The following AFAP1L1 variants were observed in gnomAD, a reference collection of about 807,000 sequenced individuals.
The protein encoded by AFAP1L1 is actin filament-associated protein 1-like 1.
A neutral mutation model predicts 99.8 loss-of-function variants in AFAP1L1; 77 were observed. The ratio of observed to expected loss-of-function variants is 0.77; its 90% CI spans 0.64 to 0.93. AFAP1L1 has a LOEUF of 0.93. Ranked by LOEUF, AFAP1L1 falls within the 40% of genes least tolerant of loss-of-function variation. The pLI is 0.00. For missense variants in AFAP1L1, 893 were observed against 996.8 expected, an observed-to-expected ratio of 0.90 and a Z score of 1.40; for synonymous variants, 373 against 395.3, an observed-to-expected ratio of 0.94 and a Z score of 0.67.
Position 149,301,050 on chromosome 5 carries a change from C to T in AFAP1L1, c.230-83C>T, listed in dbSNP as rs891929441. 49 of 1,282,814 alleles carry T rather than the reference C, an allele frequency of 3.8e-5. No individual in the cohort carries two copies. In the Admixed American group the frequency reaches 8.2e-4, roughly 21 times the overall value. The allele number at this position is 1,282,814 out of a possible 1,614,324, so 79.5% of individuals were successfully genotyped here. On this transcript the variant is annotated intron_variant, in intron 3 of 18. Transcript: ENST00000296721. ...GGAGCCCGACCTCACACTCAGGCCT[C>T]CTGACCCCAAATCCAGCCCTCTTCC...
chr5:149,296,789 T>C (rs1469816626), intron 1 of AFAP1L1, among the ~76,000 whole-genome samples: 2 of 152,146 alleles, frequency 1.3e-5, no homozygotes, highest in African/African-American at 2.4e-5. Flanking sequence ...TGAGACTGGG[T>C]AATTTATAAA....
intron 16 of AFAP1L1, among the ~76,000 whole-genome samples, chr5:149,330,199 A>G (rs1344006683): frequency 1.3e-5 from 2 of 152,194 alleles, no homozygotes; most frequent in Non-Finnish European, 2.9e-5. Flanking sequence ...ATTCACAGAT[A>G]TATGTGAGAC....
chr5:149,302,637 A>C, intron 5 of AFAP1L1, 111 bp downstream of exon 5: 2 of 893,696 alleles, frequency 2.2e-6, no homozygotes, highest in Non-Finnish European at 3.3e-6. Flanking sequence ...CACCCTCCCA[A>C]CCATGTCACC....
At chr5:149,339,872 G>C (rs572188754) in intron 18 of AFAP1L1, 135 bp from the exon 19 acceptor site, 1 of 733,528 alleles carries the variant, frequency 1.4e-6, no homozygotes, top group African/African-American at 1.8e-5. Flanking sequence ...GCCACAGAAA[G>C]AGAGAGAGGG....
chr5:149,333,742 T>G (rs1252111613), intron 17 of AFAP1L1, among the ~76,000 whole-genome samples: 1 of 152,240 alleles, frequency 6.6e-6, no homozygotes, highest in Admixed American at 6.5e-5. Flanking sequence ...ATCTCTAGCT[T>G]GTACTCACTG....
chr5:149,308,021 C>T (rs1756488294), intron 7 of AFAP1L1, among the ~76,000 whole-genome samples: 3 of 151,688 alleles, frequency 2.0e-5, no homozygotes, highest in Non-Finnish European at 1.5e-5. Flanking sequence ...GCCAGGTGTG[C>T]GCCTGTAGTC....
intron 15 of AFAP1L1, 132 bp downstream of exon 15, chr5:149,322,849 C>T (rs1020096557): frequency 2.0e-5 from 14 of 699,300 alleles, no homozygotes; most frequent in Admixed American, 1.5e-4. Context: ...AATACTCTAC[C>T]GTAAGAAAAA....
chr5:149,325,108 G>T (rs1020656223), intron 15 of AFAP1L1, among the ~76,000 whole-genome samples: 1 of 152,204 alleles, frequency 6.6e-6, no homozygotes, highest in African/African-American at 2.4e-5. Flanking sequence ...CAAAACAGCA[G>T]TAGCTGGTGA....
chr5:149,313,798 C>G (rs1581325448), intron 9 of AFAP1L1, among the ~76,000 whole-genome samples: 1 of 152,222 alleles, frequency 6.6e-6, no homozygotes, highest in African/African-American at 2.4e-5. Flanking sequence ...TCTGCCTCAG[C>G]ACCCCAGGAA....
chr5:149,335,504 T>TA (rs1368764350), intron 17 of AFAP1L1, 90 bp from the exon 18 acceptor site: 16 of 1,436,896 alleles, frequency 1.1e-5, no homozygotes, highest in African/African-American at 5.8e-5. Context: ...ATAAAAATAA[T>TA]AAAGTGTCCT....
intron 6 of AFAP1L1, 99 bp from the exon 7 acceptor site, chr5:149,307,303 T>C: frequency 2.3e-6 from 3 of 1,309,154 alleles, no homozygotes; most frequent in Non-Finnish European, 3.3e-6. Flanking sequence ...GCCCATGCCT[T>C]CCTAGCCTCA....
intron 18 of AFAP1L1, among the ~76,000 whole-genome samples, chr5:149,339,337 A>G (rs1184828810): frequency 6.6e-6 from 1 of 151,972 alleles, no homozygotes; most frequent in East Asian, 1.9e-4. Flanking sequence ...TTACAGGTGC[A>G]CAACACCACA....
intron 9 of AFAP1L1, among the ~76,000 whole-genome samples, chr5:149,313,710 A>G (rs1054523258): frequency 6.6e-6 from 1 of 152,236 alleles, no homozygotes; most frequent in Non-Finnish European, 1.5e-5. Flanking sequence ...ACATGAATCA[A>G]ATAGTCACAC....
intron 1 of AFAP1L1, among the ~76,000 whole-genome samples, chr5:149,290,188 G>C (rs1387213748): frequency 1.3e-5 from 2 of 152,198 alleles, no homozygotes; most frequent in Non-Finnish European, 2.9e-5. Flanking sequence ...AGCTGAAATG[G>C]TGCCACTGCA....
In AFAP1L1 at chr5:149,318,360, T is replaced by C. The variant is rs577411402; in HGVS notation, c.1479+420T>C. On this transcript the variant is annotated intron_variant, in intron 12 of 18. Coordinates refer to ENST00000296721, the MANE Select transcript of AFAP1L1 (RefSeq NM_152406.4). ...AGCCTGAAAGGCATTTAGTCTGGTC[T>C]AACCATTCAGATTCTGGAATCCCCT... 3.5e-4 allele frequency among the ~76,000 whole-genome samples: 53 copies of C among 152,364 alleles called. 2 individuals are homozygous for C. The South Asian group carries it at 0.011, about 32-fold the overall frequency.
At chr5:149,301,068 C>A in intron 3 of AFAP1L1, 65 bp from the exon 4 acceptor site, 1 of 1,468,114 alleles carries the variant, frequency 6.8e-7, no homozygotes, top group South Asian at 1.2e-5. Context: ...CAAATCCAGC[C>A]CTCTTCCCCT....
chr5:149,289,327 C>G (rs1202065483), intron 1 of AFAP1L1, among the ~76,000 whole-genome samples: 1 of 152,204 alleles, frequency 6.6e-6, no homozygotes, highest in Non-Finnish European at 1.5e-5. Context: ...CAGTTTCCTG[C>G]AATCGCTGTA....
intron 17 of AFAP1L1, among the ~76,000 whole-genome samples, chr5:149,333,433 A>G (rs1757313798): frequency 6.6e-6 from 1 of 152,206 alleles, no homozygotes; most frequent in South Asian, 2.1e-4. Context: ...TCTACAAAAA[A>G]TACAGCGGTC....
chr5:149,312,075 C>A, intron 8 of AFAP1L1, 37 bp from the exon 9 acceptor site: 1 of 1,591,084 alleles, frequency 6.3e-7, no homozygotes, highest in South Asian at 1.1e-5. Context: ...AACAGCTTCC[C>A]TGCCCACCCG....
Sources: allele counts gnomAD v4.1 joint callset (sites outside exome capture counted in the v4.1 genomes callset), GRCh38; gene constraint gnomAD v4.1.1; transcripts MANE v1.5; gene names NCBI Gene and HGNC (gene_info 2026-07-23, HGNC 2026-07-21).